Variants in WWP1 observed in about 807,000 individuals in gnomAD.
The protein encoded by WWP1 is NEDD4-like E3 ubiquitin-protein ligase WWP1.
WWP1 carries 49 observed loss-of-function variants against 130.6 expected under a neutral mutation model. The observed-to-expected ratio is 0.38, with a 90% CI of 0.30 to 0.48. The LOEUF is 0.48. Ranked by LOEUF, WWP1 falls within the 20% of genes least tolerant of loss-of-function variation. WWP1 has a pLI of 0.99. For synonymous variants in WWP1, 332 were observed against 367.8 expected (o/e 0.90, Z 1.11); for missense variants, 809 against 1,100.6 (o/e 0.74, Z 3.75).
At chr8:86,398,815 G>A (rs1244156116) in intron 7 of WWP1, among the ~76,000 whole-genome samples, 177 bp downstream of exon 7, 1 of 152,088 alleles carries the variant, frequency 6.6e-6, no homozygotes, top group East Asian at 1.9e-4. Context: ...CAGCTTTATT[G>A]AGATATCATA....
chr8:86,408,188 GC>G (rs1230384814), intron 8 of WWP1, among the ~76,000 whole-genome samples: 1 of 152,120 alleles, frequency 6.6e-6, no homozygotes, highest in African/African-American at 2.4e-5. Context: ...TTAGCAAGGT[GC>G]ATTTAAGGTT....
At position 86,413,256 on chromosome 8, in the gene WWP1, C is replaced by T. The variant is rs556686881; in HGVS notation, c.1061+1382C>T. ...ACCCTATATTAGCTTTCCTTTCCCT[C>T]TCAAAAATCTCTTGTCCTGTGTCCC... On this transcript the variant is annotated intron_variant, in intron 9 of 24. Transcript: ENST00000517970. 2.6e-5 allele frequency among the ~76,000 whole-genome samples: 4 copies of T among 152,294 alleles called. No homozygotes were observed. In the South Asian group the frequency reaches 8.3e-4, roughly 32 times the overall value.
intron 1 of WWP1, among the ~76,000 whole-genome samples, chr8:86,344,665 G>A (rs1368272468): frequency 1.3e-5 from 2 of 152,208 alleles, no homozygotes; most frequent in Admixed American, 1.3e-4. Flanking sequence ...AGGGATAAGA[G>A]GGTTAGTTTG....
At chr8:86,355,219 T>C (rs1823183843) in intron 1 of WWP1, among the ~76,000 whole-genome samples, 1 of 152,228 alleles carries the variant, frequency 6.6e-6, no homozygotes, top group Non-Finnish European at 1.5e-5. Context: ...AATCAGGAGA[T>C]GTTTTGAGGT....
intron 24 of WWP1, among the ~76,000 whole-genome samples, chr8:86,463,841 G>A (rs372443063): frequency 3.3e-5 from 5 of 151,750 alleles, no homozygotes; most frequent in East Asian, 2.0e-4. Context: ...TGGGAGGATC[G>A]CTTGAGCTCA....
In WWP1 at chr8:86,468,098, C is replaced by T. The variant is rs1048789268; in HGVS notation, c.*1205C>T. ...TGAATGATATTAATGCTACTTTTAG[C>T]AAACTGGGCTTCCTAATACAAAATT... On this transcript the variant is annotated 3_prime_UTR_variant, in exon 25 of 25. Transcript: ENST00000517970. The T allele has an allele frequency of 1.2e-5, 2 of 173,132 alleles. No individual in the cohort carries two copies. The highest frequency in any genetic ancestry group is 4.8e-5 in the African/African-American group (2 of 41,618). The allele number at this position is 173,132 out of a possible 1,614,324, so 10.7% of individuals were successfully genotyped here.
chr8:86,419,588 C>T (rs1243599282), intron 9 of WWP1, among the ~76,000 whole-genome samples: 1 of 152,036 alleles, frequency 6.6e-6, no homozygotes, highest in African/African-American at 2.4e-5. Context: ...AGAAATTTGC[C>T]AGACAGTAAC....
intron 17 of WWP1, chr8:86,442,394 T>A (rs1425487037): frequency 2.9e-6 from 1 of 341,046 alleles, no homozygotes; most frequent in Non-Finnish European, 5.3e-6. Flanking sequence ...ATGTTATATC[T>A]ATATGAGGAT....
intron 8 of WWP1, among the ~76,000 whole-genome samples, chr8:86,409,859 C>CA (rs908417468): frequency 8.9e-5 from 13 of 146,120 alleles, no homozygotes; most frequent in East Asian, 2.0e-4. Flanking sequence ...GACACCTTCT[C>CA]AAAAAAAAAA....
chr8:86,433,432 G>A (rs1810105799), intron 14 of WWP1, among the ~76,000 whole-genome samples: 1 of 151,664 alleles, frequency 6.6e-6, no homozygotes, highest in Non-Finnish European at 1.5e-5. Flanking sequence ...CCTGCTCTCT[G>A]GCCAGGCATG....
chr8:86,414,152 A>G (rs542390792), intron 9 of WWP1, among the ~76,000 whole-genome samples: 30 of 152,324 alleles, frequency 2.0e-4, no homozygotes, highest in African/African-American at 6.7e-4. Flanking sequence ...ATAAAGAAAT[A>G]TAGGCGAGAA....
rs79491362 is a variant in WWP1 at position 86,350,587 on chromosome 8, G to C, written c.-115+7657G>C. The stretch of plus-strand genomic sequence containing the variant: ...GATTTATAGAAATAGGAAAGGCCAG[G>C]GCACAAAGAAGGGCACGGATAGAGT... On this transcript the variant is annotated intron_variant, in intron 1 of 24. Transcript: ENST00000517970. Among the ~76,000 whole-genome samples the C allele has an allele frequency of 5.2e-3, 792 of 152,252 alleles. 5 individuals are homozygous for C. The highest frequency in any genetic ancestry group is 0.018 in the African/African-American group (765 of 41,522).
chr8:86,344,355 T>A (rs1210696715), intron 1 of WWP1, among the ~76,000 whole-genome samples: 1 of 152,244 alleles, frequency 6.6e-6, no homozygotes, highest in Non-Finnish European at 1.5e-5. Flanking sequence ...ATACAGGATG[T>A]CGCAGATAAA....
intron 5 of WWP1, among the ~76,000 whole-genome samples, chr8:86,385,594 T>C (rs1349131107): frequency 2.0e-5 from 3 of 152,136 alleles, no homozygotes; most frequent in South Asian, 2.1e-4. Flanking sequence ...GAAGTATATG[T>C]GGGGGCTCTC....
At chr8:86,403,584 C>A (rs956313954) in intron 8 of WWP1, among the ~76,000 whole-genome samples, 10 of 152,074 alleles carry the variant, frequency 6.6e-5, no homozygotes, top group African/African-American at 2.4e-4. Context: ...CGTGAGCCAC[C>A]GTGCCTGGAC....
In WWP1 at chr8:86,456,556, G is replaced by A. The variant is rs191011868; in HGVS notation, c.2395-1365G>A. 4.3e-3 allele frequency among the ~76,000 whole-genome samples: 653 copies of A among 152,044 alleles called. 6 individuals are homozygous for A. The highest frequency in any genetic ancestry group is 0.015 in the African/African-American group (616 of 41,548). On this transcript the variant is annotated intron_variant, in intron 21 of 24. Coordinates refer to ENST00000517970, the MANE Select transcript of WWP1 (RefSeq NM_007013.4). ...GATAGTGTTGGTAGTTTCTTGTAAT[G>A]TTAAATGTACATCTACCTTATGGCC...
chr8:86,445,985 T>TCTTTC (rs1563540977), intron 18 of WWP1, among the ~76,000 whole-genome samples: 3 of 132,018 alleles, frequency 2.3e-5, no homozygotes, highest in Non-Finnish European at 3.2e-5. Flanking sequence ...TCTTTTTTTT[T>TCTTTC]TTTTTTTTTT....
chr8:86,430,851 A>G (rs1451915748), intron 12 of WWP1, 100 bp downstream of exon 12: 5 of 385,286 alleles, frequency 1.3e-5, no homozygotes, highest in African/African-American at 4.8e-5. Context: ...TTTTATATAT[A>G]TATATCTCCC....
chr8:86,373,106 T>A (rs1824427214), intron 2 of WWP1, among the ~76,000 whole-genome samples: 1 of 151,558 alleles, frequency 6.6e-6, no homozygotes, highest in East Asian at 1.9e-4. Context: ...ACATGGTTTC[T>A]TTTGATTCAC....
Sources: gnomAD v4.1 joint callset for allele counts (sites outside exome capture counted in the v4.1 genomes callset) on GRCh38, gnomAD v4.1.1 for gene constraint, MANE v1.5 for transcripts, NCBI Gene and HGNC (gene_info 2026-07-23, HGNC 2026-07-21) for gene names.